CBLN2: variants seen among roughly 807,000 people sequenced by gnomAD.
CBLN2 encodes the protein cerebellin-2.
Under a neutral mutation model 15.0 loss-of-function variants are expected in CBLN2, and 7 were observed. That is an observed-to-expected ratio of 0.47 (90% confidence interval 0.27 to 0.88). CBLN2 has a LOEUF of 0.88. CBLN2 is among the 40% of genes least tolerant of loss of function. The pLI is 0.14. For synonymous variants in CBLN2, 149 were observed against 135.2 expected (o/e 1.10, Z -0.71); for missense variants, 242 against 304.5 (o/e 0.79, Z 1.53).
chr18:72,614,092 T>C (rs555289034), intron 1 of CBLN2, among the ~76,000 whole-genome samples: 2 of 152,218 alleles, frequency 1.3e-5, no homozygotes, highest in Non-Finnish European at 2.9e-5. Flanking sequence ...AACTCTCAGT[T>C]TGCTGCATAA....
chr18:72,539,921 C>T (rs2069096279), intron 3 of CBLN2: 1 of 152,198 alleles, frequency 6.6e-6, no homozygotes, highest in Non-Finnish European at 1.5e-5. Flanking sequence ...TTATTTCTTA[C>T]ACACTCATTA....
chr18:72,578,389 G>A (rs2069381717), intron 1 of CBLN2, among the ~76,000 whole-genome samples: 1 of 152,050 alleles, frequency 6.6e-6, no homozygotes, highest in Admixed American at 6.6e-5. Flanking sequence ...CTTATATTGA[G>A]GTAATGGAGA....
At chr18:72,548,167 T>C (rs2069170449), upstream of CBLN2, among the ~76,000 whole-genome samples, 1 of 152,204 alleles carries the variant, frequency 6.6e-6, no homozygotes, top group African/African-American at 2.4e-5. Context: ...ATCTCCTCAG[T>C]GCGTGCCACT....
intron 1 of CBLN2, among the ~76,000 whole-genome samples, chr18:72,568,073 G>A (rs534390309): frequency 2.6e-5 from 4 of 151,674 alleles, no homozygotes; most frequent in African/African-American, 9.7e-5. Context: ...TTTTTATTTC[G>A]TTTCAGTACT....
At chr18:72,549,935 G>T (rs942797545) in intron 1 of CBLN2, among the ~76,000 whole-genome samples, 2 of 152,084 alleles carry the variant, frequency 1.3e-5, no homozygotes, top group African/African-American at 4.8e-5. Context: ...CTGGCTCCTG[G>T]GTCAAAGGTA....
chr18:72,638,516 A>G (rs961364146), exon 1 of CBLN2: 15 of 394,568 alleles, frequency 3.8e-5, no homozygotes, highest in Admixed American at 1.3e-4. Context: ...ATTTATGCTT[A>G]TGACTAAATT....
chr18:72,564,651 T>C (rs1458454447), intron 1 of CBLN2, among the ~76,000 whole-genome samples: 2 of 152,200 alleles, frequency 1.3e-5, no homozygotes, highest in South Asian at 4.1e-4. Context: ...ACAATATTTA[T>C]GAGATACCAT....
chr18:72,595,412 T>C (rs2069507125), intron 1 of CBLN2, among the ~76,000 whole-genome samples: 1 of 152,134 alleles, frequency 6.6e-6, no homozygotes, highest in African/African-American at 2.4e-5. Flanking sequence ...AATTTCATCA[T>C]TTTTCAAGGC....
chr18:72,636,840 A>AT (rs1385593806), intron 1 of CBLN2, among the ~76,000 whole-genome samples: 4 of 152,160 alleles, frequency 2.6e-5, no homozygotes, highest in Non-Finnish European at 4.4e-5. Context: ...GGTATGAAAA[A>AT]TTCATGACTT....
At chr18:72,600,076 C>T (rs554240884) in intron 1 of CBLN2, among the ~76,000 whole-genome samples, 2 of 152,288 alleles carry the variant, frequency 1.3e-5, no homozygotes, top group South Asian at 2.1e-4. Flanking sequence ...CTTGTGGCCA[C>T]ACCTGTTTCC....
chr18:72,595,254 T>G (rs1260286934), intron 1 of CBLN2, among the ~76,000 whole-genome samples: 1 of 152,098 alleles, frequency 6.6e-6, no homozygotes, highest in South Asian at 2.1e-4. Flanking sequence ...TCCAAGAAAT[T>G]TTTAAATTTC....
intron 1 of CBLN2, among the ~76,000 whole-genome samples, chr18:72,624,803 G>C (rs2069724174): frequency 6.6e-6 from 1 of 152,108 alleles, no homozygotes; most frequent in South Asian, 2.1e-4. Flanking sequence ...AGTGCTCAAT[G>C]CACCTTGCAA....
At chr18:72,576,682 T>C (rs1490430676) in intron 1 of CBLN2, among the ~76,000 whole-genome samples, 1 of 152,028 alleles carries the variant, frequency 6.6e-6, no homozygotes, top group Non-Finnish European at 1.5e-5. Flanking sequence ...TGCAAGAGTC[T>C]GTGCTGGGAT....
chr18:72,615,635 G>A (rs1008547389), intron 1 of CBLN2, among the ~76,000 whole-genome samples: 17 of 152,062 alleles, frequency 1.1e-4, no homozygotes, highest in African/African-American at 3.9e-4. Context: ...TTATTGATTT[G>A]CTTTTAATAA....
At chr18:72,586,260 C>T (rs190818482) in intron 1 of CBLN2, among the ~76,000 whole-genome samples, 191 of 152,346 alleles carry the variant, frequency 1.3e-3, no homozygotes, top group Non-Finnish European at 2.2e-3. Context: ...TTTCCTCTCT[C>T]CCTTTTCCTT....
chr18:72,611,593 T>A (rs979991107), intron 1 of CBLN2, among the ~76,000 whole-genome samples: 7 of 152,198 alleles, frequency 4.6e-5, no homozygotes, highest in African/African-American at 1.7e-4. Context: ...ATGGGGTATT[T>A]GTTTTTGCTT....
intron 1 of CBLN2, among the ~76,000 whole-genome samples, chr18:72,576,256 A>G (rs2069365822): frequency 1.3e-5 from 2 of 152,170 alleles, no homozygotes; most frequent in Admixed American, 1.3e-4. Flanking sequence ...CTGACACATA[A>G]CAGACTATGT....
chr18:72,585,477 G>C (rs917142644), intron 1 of CBLN2, among the ~76,000 whole-genome samples: 1 of 152,184 alleles, frequency 6.6e-6, no homozygotes, highest in Non-Finnish European at 1.5e-5. Flanking sequence ...GAAACCCAGA[G>C]TGGGTAGCTC....
upstream of CBLN2, among the ~76,000 whole-genome samples, chr18:72,545,895 T>C (rs564499720): frequency 6.6e-6 from 1 of 152,214 alleles, no homozygotes; most frequent in African/African-American, 2.4e-5. Flanking sequence ...TCATCAACAC[T>C]GGGGGAAAAA....
Sources: gnomAD v4.1 joint callset for allele counts (sites outside exome capture counted in the v4.1 genomes callset) on GRCh38, gnomAD v4.1.1 for gene constraint, MANE v1.5 for transcripts, NCBI Gene and HGNC (gene_info 2026-07-23, HGNC 2026-07-21) for gene names.